The following CFDP1 variants were observed in gnomAD, a reference collection of about 807,000 sequenced individuals.
CFDP1 encodes heterochromatin-stabilizing protein CFDP1.
Under a neutral mutation model 40.1 loss-of-function variants are expected in CFDP1, and 31 were observed. That is an observed-to-expected ratio of 0.77 (90% CI 0.58 to 1.04). CFDP1 has a LOEUF of 1.04. CFDP1 is among the 50% of genes least tolerant of loss of function. The pLI, the probability that CFDP1 is intolerant of heterozygous loss-of-function variation, is 0.00. For synonymous variants in CFDP1, 167 were observed against 120.0 expected (o/e 1.39, Z -2.56); for missense variants, 423 against 343.4 (o/e 1.23, Z -1.83).
At chr16:75,327,918 TG>T (rs1482134390) in intron 5 of CFDP1, among the ~76,000 whole-genome samples, 1 of 151,934 alleles carries the variant, frequency 6.6e-6, no homozygotes, top group African/African-American at 2.4e-5. Context: ...TTAGTAGAGA[TG>T]GGGCGTCACC....
Position 75,414,707 on chromosome 16 carries a change from T to A in CFDP1, c.65-12A>T, listed in dbSNP as rs374198574. On this transcript the variant is annotated splice_polypyrimidine_tract_variant and intron_variant, in intron 1 of 6. Transcript: ENST00000283882. ...ACTATACTCTCCACCTGAAATCACA[T>A]AACAGGGTGATCAGACAGGAATAAA... The A allele has an allele frequency of 1.3e-6, 2 of 1,523,658 alleles. No homozygotes were observed. Among genetic ancestry groups the A allele is most frequent in the African/African-American group, 2.7e-5 (2 of 73,030 alleles). 94.4% of individuals were successfully genotyped at this position (1,523,658 alleles called of 1,614,324 possible).
chr16:75,304,267 C>T (rs2078243078), intron 6 of CFDP1, among the ~76,000 whole-genome samples: 1 of 152,070 alleles, frequency 6.6e-6, no homozygotes. Context: ...GGGGTTTTGC[C>T]AGGTTGGCTA....
rs35716697 is a variant in CFDP1 at position 75,418,732 on chromosome 16, T to TAA, written c.65-4039_65-4038dup. Among the ~76,000 whole-genome samples the TAA allele has an allele frequency of 2.6e-3, 344 of 130,616 alleles. 3 individuals are homozygous for TAA. Among genetic ancestry groups the TAA allele is most frequent in the African/African-American group, 8.5e-3 (280 of 32,950 alleles). The allele number at this position is 130,616 out of a possible 152,430, so 85.7% of individuals were successfully genotyped here. A position where few individuals can be genotyped will look rare whatever the true frequency, so the allele number is the denominator to read the frequency against. On this transcript the variant is annotated intron_variant, in intron 1 of 6. Transcript: ENST00000283882. ...GACCATTTACCACAAAAAGGCTCCCTAAAAAAAAAAAAAAAAAAACTCATT... is the reference window on the plus strand; with the variant it reads ...GACCATTTACCACAAAAAGGCTCCCTAAAAAAAAAAAAAAAAAAAAACTCATT...
intron 4 of CFDP1, among the ~76,000 whole-genome samples, chr16:75,402,050 T>A (rs900283983): frequency 6.6e-6 from 1 of 152,230 alleles, no homozygotes; most frequent in African/African-American, 2.4e-5. Flanking sequence ...AACACTGGTA[T>A]ATTTATCTCA....
Position 75,311,280 on chromosome 16 carries a change from T to C in CFDP1, c.651-6098A>G, listed in dbSNP as rs540708163. Among the ~76,000 whole-genome samples the C allele has an allele frequency of 4.6e-5, 7 of 152,304 alleles. No homozygotes were observed. The South Asian group carries it at 6.2e-4, about 14-fold the overall frequency. On this transcript the variant is annotated intron_variant, in intron 5 of 6. Coordinates refer to ENST00000283882, the MANE Select transcript of CFDP1 (RefSeq NM_006324.3). ...ATTTAAGTCCAAGTAGCTGGGACTA[T>C]AGACATATGTCACCAAACCCAGATA...
At chr16:75,303,400 A>AATAAATAAATGTATGTATGTATGT (rs745774792) in intron 6 of CFDP1, among the ~76,000 whole-genome samples, 6 of 146,168 alleles carry the variant, frequency 4.1e-5, no homozygotes, top group African/African-American at 1.3e-4. Context: ...TAAATAAATA[A>AATAAATAAATGTATGTATGTATGT]ATGTATGTAT....
chr16:75,348,580 T>G (rs527955933), intron 5 of CFDP1, among the ~76,000 whole-genome samples: 2 of 152,188 alleles, frequency 1.3e-5, no homozygotes, highest in African/African-American at 4.8e-5. Flanking sequence ...TTTTTTTCTT[T>G]TTTGGCTCAC....
chr16:75,386,997 A>C (rs998730257), intron 5 of CFDP1, among the ~76,000 whole-genome samples: 6 of 152,222 alleles, frequency 3.9e-5, no homozygotes, highest in African/African-American at 4.8e-5. Context: ...TTCAATTTCT[A>C]ATCTATTTAC....
chr16:75,322,952 C>G (rs894190769), intron 5 of CFDP1, among the ~76,000 whole-genome samples: 5 of 152,010 alleles, frequency 3.3e-5, no homozygotes, highest in African/African-American at 1.2e-4. Flanking sequence ...AATGTGACGG[C>G]CAAGGACATT....
intron 5 of CFDP1, among the ~76,000 whole-genome samples, chr16:75,390,983 T>C (rs1328504335): frequency 1.3e-5 from 2 of 152,264 alleles, no homozygotes; most frequent in African/African-American, 4.8e-5. Context: ...ATCTCCCTAA[T>C]GCAGATATCA....
intron 5 of CFDP1, among the ~76,000 whole-genome samples, chr16:75,315,331 C>CAAAAAAAAAA (rs758174791): frequency 8.4e-5 from 4 of 47,800 alleles, no homozygotes; most frequent in African/African-American, 1.8e-4. Context: ...GACCCTATCT[C>CAAAAAAAAAA]AAAAAAAAAA....
chr16:75,426,043 A>G (rs1322333070), intron 1 of CFDP1, among the ~76,000 whole-genome samples: 1 of 141,176 alleles, frequency 7.1e-6, no homozygotes, highest in East Asian at 2.0e-4. Flanking sequence ...CTCAAAAAAA[A>G]AAAAAAAAAA....
chr16:75,420,791 G>A (rs2079269796), intron 1 of CFDP1, among the ~76,000 whole-genome samples: 2 of 152,194 alleles, frequency 1.3e-5, no homozygotes, highest in Non-Finnish European at 2.9e-5. Context: ...AAAAAAATCA[G>A]AGTGAGTTTT....
intron 5 of CFDP1, among the ~76,000 whole-genome samples, chr16:75,370,453 T>C (rs944636627): frequency 9.2e-5 from 14 of 152,172 alleles, no homozygotes; most frequent in African/African-American, 3.4e-4. Flanking sequence ...ATATACCTAA[T>C]GTAAATGATG....
At chr16:75,346,966 C>T (rs1040241283) in intron 5 of CFDP1, among the ~76,000 whole-genome samples, 2 of 152,084 alleles carry the variant, frequency 1.3e-5, no homozygotes, top group African/African-American at 2.4e-5. Context: ...TGTCACAATG[C>T]GTCCCGGGAG....
chr16:75,421,334 A>T (rs1378095099), intron 1 of CFDP1, among the ~76,000 whole-genome samples: 1 of 152,202 alleles, frequency 6.6e-6, no homozygotes, highest in African/African-American at 2.4e-5. Context: ...GCTGTGGGAC[A>T]AGGACTCCAT....
rs924270900 is a variant in CFDP1, at chr16:75,433,469, C to A, written c.-117G>T. On this transcript the variant is annotated 5_prime_UTR_variant, in exon 1 of 7. Transcript: ENST00000283882. ...GCGGCGACGGCAGCTAGGGCGGCCCCCGACAGCGCTTTGCACATGCGCAGA... is the reference window on the plus strand; with the variant it reads ...GCGGCGACGGCAGCTAGGGCGGCCCACGACAGCGCTTTGCACATGCGCAGA... 1.9e-5 allele frequency: 18 copies of A among 931,056 alleles called. No homozygotes were observed. The Middle Eastern group carries it at 9.1e-4, about 47-fold the overall frequency. The allele number at this position is 931,056 out of a possible 1,614,324, so 57.7% of individuals were successfully genotyped here. A position where few individuals can be genotyped will look rare whatever the true frequency, so the allele number is the denominator to read the frequency against.
At chr16:75,414,891 T>C (rs112876129) in intron 1 of CFDP1, among the ~76,000 whole-genome samples, 196 bp from the exon 2 acceptor site, 1 of 152,220 alleles carries the variant, frequency 6.6e-6, no homozygotes, top group Non-Finnish European at 1.5e-5. Flanking sequence ...TACGTTCTTC[T>C]ATCGTAGGCT....
In CFDP1 at chr16:75,300,539, G is replaced by A. The variant is rs540852133; in HGVS notation, c.809+4485C>T. On this transcript the variant is annotated intron_variant, in intron 6 of 6. Transcript: ENST00000283882. ...TGACCTCAGGTTATCTGCCTGCCTC[G>A]GCCTCCCAAAGTGTTGGGATTACAG... Among the ~76,000 whole-genome samples the A allele has an allele frequency of 1.3e-5, 2 of 152,216 alleles. 1 individual carries two copies. Among genetic ancestry groups the A allele is most frequent in the East Asian group, 3.9e-4 (2 of 5,156 alleles).
Sources: gnomAD v4.1 joint callset for allele counts (sites outside exome capture counted in the v4.1 genomes callset) on GRCh38, gnomAD v4.1.1 for gene constraint, MANE v1.5 for transcripts, NCBI Gene and HGNC (gene_info 2026-07-23, HGNC 2026-07-21) for gene names.